SLC26A8: variants seen among roughly 807,000 people sequenced by gnomAD.
The protein encoded by SLC26A8 is solute carrier family 26 member 8, also known as testis anion transporter 1.
In SLC26A8, 70 loss-of-function variants were observed where a neutral mutation model predicts 105.0. The observed-to-expected ratio is 0.67, with a 90% CI of 0.55 to 0.81. The LOEUF is 0.81. Among genes scored for constraint, SLC26A8 ranks in the 40% least tolerant of loss-of-function variants. The pLI is 0.00. For missense variants in SLC26A8, 998 were observed against 1,181.8 expected (o/e 0.84, Z 2.28); for synonymous variants, 415 against 438.3 (o/e 0.95, Z 0.66).
intron 4 of SLC26A8, among the ~76,000 whole-genome samples, chr6:35,998,181 T>C (rs990543550): frequency 2.0e-5 from 3 of 152,196 alleles, no homozygotes; most frequent in Non-Finnish European, 4.4e-5. Context: ...ATAGAGAAGT[T>C]GACTGAAATG....
chr6:35,985,020 C>T (rs1773437520), intron 7 of SLC26A8, among the ~76,000 whole-genome samples: 1 of 152,164 alleles, frequency 6.6e-6, no homozygotes, highest in African/African-American at 2.4e-5. Context: ...ATTTGCATGA[C>T]ACAGCTTAGG....
Position 36,012,444 on chromosome 6 carries a change from T to G in SLC26A8, c.189-72A>C, listed in dbSNP as rs927119806. ...TGCCCGCATAGCCAAGAAAAGGCAT[T>G]TGGCCCACATAGCCAAGAAAAAGTA... is the stretch of plus-strand genomic sequence containing the variant. On this transcript the variant is annotated intron_variant, in intron 2 of 19. Coordinates refer to ENST00000490799, the MANE Select transcript of SLC26A8 (RefSeq NM_052961.4). The G allele has an allele frequency of 4.7e-6, 7 of 1,497,976 alleles. No homozygotes were observed. In the African/African-American group the frequency reaches 9.9e-5, roughly 21 times the overall value. 92.8% of individuals were successfully genotyped at this position (1,497,976 alleles called of 1,614,324 possible).
chr6:35,982,056 GT>G (rs1773288263), intron 8 of SLC26A8, 64 bp downstream of exon 8: 1 of 1,500,228 alleles, frequency 6.7e-7, no homozygotes, highest in Non-Finnish European at 9.3e-7. Flanking sequence ...ATCAGGCTGT[GT>G]GGTCAGAGGC....
At chr6:35,990,303 T>C in intron 7 of SLC26A8, 2 of 291,408 alleles carry the variant, frequency 6.9e-6, no homozygotes. Flanking sequence ...GGCCATTTCT[T>C]TCTGAAGGCT....
chr6:35,952,366 C>T (rs1771909590), intron 17 of SLC26A8, among the ~76,000 whole-genome samples: 1 of 152,156 alleles, frequency 6.6e-6, no homozygotes, highest in African/African-American at 2.4e-5. Context: ...TTTAGTAAAA[C>T]ATCAGATGTT....
chr6:35,994,936 G>A (rs1761311202), intron 5 of SLC26A8, among the ~76,000 whole-genome samples: 1 of 152,176 alleles, frequency 6.6e-6, no homozygotes. Context: ...GGTGAAAAAA[G>A]CATGGTTCCT....
intron 3 of SLC26A8, among the ~76,000 whole-genome samples, chr6:36,011,867 C>A (rs577042081): frequency 4.2e-4 from 64 of 152,318 alleles, no homozygotes; most frequent in African/African-American, 1.4e-3. Flanking sequence ...CCTTGGCCTC[C>A]CAAAGTGCTG....
chr6:35,968,610 T>A (rs780999366), intron 11 of SLC26A8, among the ~76,000 whole-genome samples: 1,361 of 27,782 alleles, frequency 0.049, 54 homozygotes, highest in East Asian at 0.13. Context: ...TGTGTGTGTG[T>A]ATATATATAT....
intron 9 of SLC26A8, 54 bp downstream of exon 9, chr6:35,977,150 G>A: frequency 6.4e-7 from 1 of 1,554,530 alleles, no homozygotes; most frequent in Non-Finnish European, 8.7e-7. Flanking sequence ...TTGGCAGGAG[G>A]CTTTGATTAA....
chr6:35,977,442 C>CTTTTT (rs77593688), intron 8 of SLC26A8, 91 bp from the exon 9 acceptor site: 1 of 899,460 alleles, frequency 1.1e-6, no homozygotes, highest in Non-Finnish European at 1.5e-6. Context: ...TGTCCTGATT[C>CTTTTT]TTTTTTTTTT....
At chr6:35,957,885 C>T (rs1011010007) in intron 16 of SLC26A8, among the ~76,000 whole-genome samples, 5 of 152,026 alleles carry the variant, frequency 3.3e-5, no homozygotes, top group East Asian at 1.9e-4. Flanking sequence ...GGATTACGGG[C>T]GTAAGCCACT....
intron 3 of SLC26A8, among the ~76,000 whole-genome samples, chr6:36,001,418 G>A (rs596446): frequency 0.062 from 9,416 of 152,274 alleles, 726 homozygotes; most frequent in African/African-American, 0.18. Context: ...GTGAGCCACC[G>A]CGCCCAGCCA....
chr6:36,012,401 T>A, intron 2 of SLC26A8, 29 bp from the exon 3 acceptor site: 5 of 1,544,950 alleles, frequency 3.2e-6, no homozygotes, highest in Non-Finnish European at 4.3e-6. Flanking sequence ...GAGACTTGGT[T>A]AGTTTCTCCA....
rs533889547 is a variant in SLC26A8 at position 35,971,081 on chromosome 6, A to G, written c.1288-2127T>C. On this transcript the variant is annotated intron_variant, in intron 10 of 19. Coordinates refer to ENST00000490799, the MANE Select transcript of SLC26A8 (RefSeq NM_052961.4). ...AAAAATCCTAAGTCAAAATGAGCACAAACTAGACACCAAATCCCATAAAAT... is the reference window on the plus strand; with the variant it reads ...AAAAATCCTAAGTCAAAATGAGCACGAACTAGACACCAAATCCCATAAAAT... Among the ~76,000 whole-genome samples, 6 of 152,268 alleles carry G rather than the reference A, an allele frequency of 3.9e-5. No individual in the cohort carries two copies. The South Asian group carries it at 1.0e-3, about 26-fold the overall frequency.
intron 2 of SLC26A8, among the ~76,000 whole-genome samples, chr6:36,014,619 T>C (rs527291038): frequency 9.4e-4 from 143 of 152,290 alleles, no homozygotes; most frequent in African/African-American, 3.2e-3. Context: ...CGGTGGCTCA[T>C]GCCTGTAATC....
Position 36,018,369 on chromosome 6 carries a change from G to A in SLC26A8, c.188+1151C>T, listed in dbSNP as rs556522033. Among the ~76,000 whole-genome samples, 98 of 152,282 alleles carry A rather than the reference G, an allele frequency of 6.4e-4. 1 individual carries two copies. The highest frequency in any genetic ancestry group is 2.3e-3 in the African/African-American group (95 of 41,546). The stretch of plus-strand genomic sequence containing the variant: ...TTCTAATACATGCTACAATATGGAT[G>A]AATCTTGAAAACATTATGCTAAGTG... On this transcript the variant is annotated intron_variant, in intron 2 of 19. Coordinates refer to ENST00000490799, the MANE Select transcript of SLC26A8 (RefSeq NM_052961.4).
At chr6:35,969,027 G>T in intron 10 of SLC26A8, 73 bp from the exon 11 acceptor site, 1 of 1,331,518 alleles carries the variant, frequency 7.5e-7, no homozygotes, top group Non-Finnish European at 1.1e-6. Context: ...GAGGCCTTCT[G>T]CTTGGTGAGA....
At chr6:36,024,472 C>G (rs1182424081) in intron 1 of SLC26A8, 32 bp downstream of exon 1, 2 of 448,970 alleles carry the variant, frequency 4.5e-6, no homozygotes, top group South Asian at 1.6e-5. Context: ...CTGCAGCCCC[C>G]GGCGCCCAGG....
chr6:35,991,203 C>A (rs1385478844), intron 7 of SLC26A8, among the ~76,000 whole-genome samples: 1 of 151,588 alleles, frequency 6.6e-6, no homozygotes, highest in African/African-American at 2.4e-5. Context: ...GAGTTTGCGA[C>A]CGGCCTGGCC....
Sources: gnomAD v4.1 joint callset for allele counts (sites outside exome capture counted in the v4.1 genomes callset) on GRCh38, gnomAD v4.1.1 for gene constraint, MANE v1.5 for transcripts, NCBI Gene and HGNC (gene_info 2026-07-23, HGNC 2026-07-21) for gene names.